GLDC: variants seen among roughly 807,000 people sequenced by gnomAD.
GLDC encodes the protein glycine decarboxylase.
In GLDC, 104 loss-of-function variants were observed where a neutral mutation model predicts 121.3. The ratio of observed to expected loss-of-function variants is 0.86; its 90% CI spans 0.73 to 1.01. The LOEUF (loss-of-function observed/expected upper bound fraction) is 1.01, where lower values mean the gene tolerates loss of function less well. GLDC is among the 50% of genes least tolerant of loss of function. The probability of loss-of-function intolerance (pLI) is 0.00; values close to 1 mark genes in which losing one functional copy is unlikely to be tolerated. For synonymous variants in GLDC, 546 were observed against 480.6 expected, an observed-to-expected ratio of 1.14 and a Z score of -1.78; for missense variants, 1,429 against 1,306.6, an observed-to-expected ratio of 1.09 and a Z score of -1.44.
In GLDC at chr9:6,533,727, A is replaced by G. The variant is rs184890173; in HGVS notation, c.2920-567T>C. Among the ~76,000 whole-genome samples, 791 of 152,100 alleles carry G rather than the reference A, an allele frequency of 5.2e-3. 8 individuals are homozygous for G. The highest frequency in any genetic ancestry group is 0.018 in the African/African-American group (732 of 41,474). On this transcript the variant is annotated intron_variant, in intron 24 of 24. Coordinates refer to ENST00000321612, the MANE Select transcript of GLDC (RefSeq NM_000170.3). ...TGCAAAATTAGCCAGGCATGGTGGCACATGCCTGTAATCCCAGTTACTTGG... is the reference window on the plus strand; with the variant it reads ...TGCAAAATTAGCCAGGCATGGTGGCGCATGCCTGTAATCCCAGTTACTTGG...
At chr9:6,537,030 A>AT (rs200094760) in intron 22 of GLDC, among the ~76,000 whole-genome samples, 3,865 of 139,906 alleles carry the variant, frequency 0.028, 64 homozygotes, top group Non-Finnish European at 0.031. Flanking sequence ...TCTGTAAAGC[A>AT]TTTTTTTTTT....
rs184822637 is a variant in GLDC at position 6,632,172 on chromosome 9, G to A, written c.335-11853C>T. 3.9e-3 allele frequency among the ~76,000 whole-genome samples: 601 copies of A among 152,270 alleles called. 4 individuals carry two copies. Among genetic ancestry groups the A allele is most frequent in the Middle Eastern group, 6.8e-3 (2 of 294 alleles). ...GAAAATACAGGTGAATCAATGTGTT[G>A]CAATGAAAATTCACCTAAACTTTCA... On this transcript the variant is annotated intron_variant, in intron 2 of 24. Coordinates refer to ENST00000321612, the MANE Select transcript of GLDC (RefSeq NM_000170.3).
chr9:6,604,169 T>A (rs1032314486), intron 7 of GLDC, among the ~76,000 whole-genome samples: 3 of 152,192 alleles, frequency 2.0e-5, no homozygotes, highest in African/African-American at 7.2e-5. Flanking sequence ...AATGGCCACG[T>A]GGCGGAAGCC....
At chr9:6,605,709 A>C (rs1005857627) in intron 5 of GLDC, among the ~76,000 whole-genome samples, 2 of 152,092 alleles carry the variant, frequency 1.3e-5, no homozygotes, top group Non-Finnish European at 2.9e-5. Flanking sequence ...TATGTCAGAA[A>C]CCCCCCCTCT....
chr9:6,605,894 AACTACGTTT>A lies in GLDC; in HGVS notation c.714-625_714-617del, dbSNP rs1288001344. 1.2e-4 allele frequency: 19 copies of A among 163,192 alleles called. No homozygotes were observed. In the South Asian group the frequency reaches 3.1e-3, roughly 26 times the overall value. 10.1% of individuals were successfully genotyped at this position (163,192 alleles called of 1,614,324 possible). On this transcript the variant is annotated intron_variant, in intron 5 of 24. Coordinates refer to ENST00000321612, the MANE Select transcript of GLDC (RefSeq NM_000170.3). The stretch of plus-strand genomic sequence containing the variant: ...CTAGGGACTCTGCACACCCTCTGTA[AACTACGTTT>A]GCAAGGAATACACACAAAATCTTAA...
At position 6,620,296 on chromosome 9, in the gene GLDC, G is replaced by A. The variant is rs758562313; in HGVS notation, c.358C>T (p.Leu120=). Residue 120 remains leucine, a synonymous_variant, in exon 3 of 25, where the codon CTG becomes TTG. Transcript: ENST00000321612. The stretch of plus-strand genomic sequence containing the variant: ...TGGTTTTTGCTTGAAATGGCATGCA[G>A]AGTTGCAAGGATTTCATTTTCACCT... ...PVCENEILAT[L]HAISSKNQIW... is the part of the protein sequence containing the mutation. The A allele has an allele frequency of 1.2e-6, 2 of 1,613,542 alleles. 1 individual carries two copies. The highest frequency in any genetic ancestry group is 2.2e-5 in the South Asian group (2 of 91,078).
chr9:6,556,099 TCCACA>T, intron 18 of GLDC, 49 bp downstream of exon 18: 11 of 1,496,010 alleles, frequency 7.4e-6, no homozygotes, highest in Admixed American at 6.9e-5. Flanking sequence ...TTTTTTTTTT[TCCACA>T]TATCCATTTT....
At chr9:6,570,673 G>A (rs1360841616) in intron 15 of GLDC, among the ~76,000 whole-genome samples, 4 of 152,064 alleles carry the variant, frequency 2.6e-5, no homozygotes, top group Non-Finnish European at 5.9e-5. Flanking sequence ...GGCCAACATG[G>A]CGAAACTTCG....
chr9:6,587,540 A>C (rs1338697510), intron 14 of GLDC, among the ~76,000 whole-genome samples: 1 of 152,260 alleles, frequency 6.6e-6, no homozygotes, highest in Non-Finnish European at 1.5e-5. Context: ...TTTTCAGGGA[A>C]GAAAAGCCCC....
intron 2 of GLDC, among the ~76,000 whole-genome samples, chr9:6,634,593 C>G (rs1386268140): frequency 6.6e-6 from 1 of 152,100 alleles, no homozygotes; most frequent in East Asian, 1.9e-4. Context: ...TCCTGGGCTG[C>G]CCGAAGCCAG....
chr9:6,584,062 T>C (rs951449713), intron 15 of GLDC, among the ~76,000 whole-genome samples: 2 of 152,212 alleles, frequency 1.3e-5, no homozygotes, highest in African/African-American at 4.8e-5. Context: ...AAAAAATACT[T>C]TAGAGTTGTG....
chr9:6,634,121 C>T (rs994572564), intron 2 of GLDC, among the ~76,000 whole-genome samples: 3 of 151,958 alleles, frequency 2.0e-5, no homozygotes, highest in African/African-American at 4.8e-5. Context: ...TGAGCCACCG[C>T]GCCCGGCAGA....
chr9:6,603,944 C>T (rs1213396487), intron 7 of GLDC, among the ~76,000 whole-genome samples: 5 of 151,998 alleles, frequency 3.3e-5, no homozygotes, highest in African/African-American at 1.2e-4. Context: ...TGGCCAGGCT[C>T]GTCTGGGACT....
At position 6,573,625 on chromosome 9, in the gene GLDC, G is replaced by A. The variant is rs77767612; in HGVS notation, c.1851-8196C>T. 2.5e-3 allele frequency among the ~76,000 whole-genome samples: 379 copies of A among 152,184 alleles called. 3 individuals are homozygous for A. The highest frequency in any genetic ancestry group is 8.6e-3 in the African/African-American group (358 of 41,514). Reference sequence around the variant, plus strand: ...AATACTTCACAGTTGCTTGTGATACGTAAGGGTTTGGTGTTGGACATCTTT... The same window carrying A: ...AATACTTCACAGTTGCTTGTGATACATAAGGGTTTGGTGTTGGACATCTTT... On this transcript the variant is annotated intron_variant, in intron 15 of 24. Coordinates refer to ENST00000321612, the MANE Select transcript of GLDC (RefSeq NM_000170.3).
At chr9:6,583,573 G>C (rs1230628880) in intron 15 of GLDC, among the ~76,000 whole-genome samples, 1 of 152,188 alleles carries the variant, frequency 6.6e-6, no homozygotes, top group African/African-American at 2.4e-5. Flanking sequence ...CTAAGCGGGA[G>C]GCTGAAGCAG....
intron 3 of GLDC, among the ~76,000 whole-genome samples, chr9:6,613,923 C>T (rs113185610): frequency 5.9e-5 from 9 of 152,038 alleles, no homozygotes; most frequent in Non-Finnish European, 1.0e-4. Context: ...ATTACAGGTG[C>T]GTGACACCAC....
chr9:6,581,604 G>A (rs188211472), intron 15 of GLDC, among the ~76,000 whole-genome samples: 173 of 152,240 alleles, frequency 1.1e-3, no homozygotes, highest in African/African-American at 3.9e-3. Flanking sequence ...GGTCTATGTC[G>A]CTCTCATGGG....
At chr9:6,639,668 A>AATATATATATAT in intron 2 of GLDC, 21 of 250,554 alleles carry the variant, frequency 8.4e-5, no homozygotes, top group Admixed American at 6.5e-4. Flanking sequence ...ATAAAAAAAA[A>AATATATATATAT]GTATATATAT....
At chr9:6,624,460 C>T (rs1279941226) in intron 2 of GLDC, among the ~76,000 whole-genome samples, 1 of 152,142 alleles carries the variant, frequency 6.6e-6, no homozygotes, top group Non-Finnish European at 1.5e-5. Context: ...GCCAAGGAAC[C>T]TGGGAGAGAG....
Sources: allele counts gnomAD v4.1 joint callset (sites outside exome capture counted in the v4.1 genomes callset), GRCh38; gene constraint gnomAD v4.1.1; transcripts MANE v1.5; gene names NCBI Gene and HGNC (gene_info 2026-07-23, HGNC 2026-07-21).